ZMIZ1: variants seen among roughly 807,000 people sequenced by gnomAD.
ZMIZ1 encodes zinc finger MIZ domain-containing protein 1.
ZMIZ1 carries 17 observed loss-of-function variants against 113.9 expected under a neutral mutation model. That is an observed-to-expected ratio of 0.15 (90% CI 0.10 to 0.22). The LOEUF is 0.22. Among genes scored for constraint, ZMIZ1 ranks in the 10% least tolerant of loss-of-function variants. ZMIZ1 has a pLI of 1.00. For synonymous variants in ZMIZ1, 607 were observed against 603.1 expected (o/e 1.01, Z -0.09); for missense variants, 1,059 against 1,477.8 (o/e 0.72, Z 4.65).
intron 4 of ZMIZ1, among the ~76,000 whole-genome samples, chr10:79,178,641 T>C (rs1846973425): frequency 6.6e-6 from 1 of 152,178 alleles, no homozygotes; most frequent in Non-Finnish European, 1.5e-5. Context: ...GTCTTCACTT[T>C]TCAAGCCCTG....
chr10:79,081,935 T>G (rs1842673174), intron 1 of ZMIZ1, among the ~76,000 whole-genome samples: 1 of 152,180 alleles, frequency 6.6e-6, no homozygotes, highest in African/African-American at 2.4e-5. Context: ...AGGCCAACCT[T>G]CTCATTTAGA....
chr10:79,188,592 G>C (rs943431244), intron 4 of ZMIZ1, among the ~76,000 whole-genome samples: 6 of 152,236 alleles, frequency 3.9e-5, no homozygotes, highest in African/African-American at 1.4e-4. Context: ...CCAGAGCCCA[G>C]CTTGGAGCTA....
intron 2 of ZMIZ1, among the ~76,000 whole-genome samples, chr10:79,131,310 C>T (rs1357418616): frequency 6.6e-6 from 1 of 152,036 alleles, no homozygotes; most frequent in Non-Finnish European, 1.5e-5. Context: ...CAGCACGTGC[C>T]CACTCTGGCC....
intron 7 of ZMIZ1, among the ~76,000 whole-genome samples, chr10:79,253,581 G>A (rs1312783537): frequency 2.0e-5 from 3 of 152,184 alleles, no homozygotes; most frequent in Non-Finnish European, 4.4e-5. Context: ...TGAGGGTCAG[G>A]GAGTGTGGGG....
At chr10:79,132,676 AAGC>A (rs1844821962) in intron 2 of ZMIZ1, among the ~76,000 whole-genome samples, 1 of 152,336 alleles carries the variant, frequency 6.6e-6, no homozygotes, top group South Asian at 2.1e-4. Flanking sequence ...TCACAGCACA[AAGC>A]AGTGGTGAGC....
In ZMIZ1 at chr10:79,186,132, A is replaced by C. The variant is rs191716393; in HGVS notation, c.-49-15452A>C. On this transcript the variant is annotated intron_variant, in intron 4 of 24. Transcript: ENST00000334512. ...AGACTTGGGTCCAAATACCAGACAC[A>C]CACCCACCACCCACGCCCTTTGGGC... is the stretch of plus-strand genomic sequence containing the variant. Among the ~76,000 whole-genome samples, 122 of 152,216 alleles carry C rather than the reference A, an allele frequency of 8.0e-4. 1 individual carries two copies. The East Asian group carries it at 0.015, about 18-fold the overall frequency.
chr10:79,293,280 T>G, intron 11 of ZMIZ1, 101 bp from the exon 12 acceptor site: 1 of 1,426,536 alleles, frequency 7.0e-7, no homozygotes, highest in Non-Finnish European at 9.4e-7. Flanking sequence ...CCCTCCCCAC[T>G]CCTCCACCTC....
intron 24 of ZMIZ1, among the ~76,000 whole-genome samples, chr10:79,311,613 G>A (rs369414066): frequency 4.1e-4 from 62 of 152,070 alleles, no homozygotes; most frequent in Non-Finnish European, 6.5e-4. Flanking sequence ...TTTCTTGTCC[G>A]CGTGTTGTCC....
chr10:79,152,878 G>A (rs1845766505), intron 3 of ZMIZ1, among the ~76,000 whole-genome samples: 1 of 152,238 alleles, frequency 6.6e-6, no homozygotes, highest in East Asian at 1.9e-4. Flanking sequence ...CATTCTTCCA[G>A]AAAATATTCG....
At chr10:79,116,716 C>T (rs1166009542) in intron 1 of ZMIZ1, among the ~76,000 whole-genome samples, 2 of 152,186 alleles carry the variant, frequency 1.3e-5, no homozygotes, top group African/African-American at 4.8e-5. Context: ...TGTGTATCTC[C>T]TACATTTGTA....
chr10:79,172,890 C>T (rs575445007), intron 4 of ZMIZ1, among the ~76,000 whole-genome samples: 18 of 152,160 alleles, frequency 1.2e-4, no homozygotes, highest in African/African-American at 1.4e-4. Context: ...TCCTTTGTAA[C>T]GGAAGTAAAT....
intron 3 of ZMIZ1, among the ~76,000 whole-genome samples, chr10:79,146,793 C>A (rs1451875839): frequency 6.6e-6 from 1 of 152,192 alleles, no homozygotes; most frequent in Non-Finnish European, 1.5e-5. Context: ...ACCCAGCAAA[C>A]CCCTGGCACA....
At chr10:79,298,090 C>T (rs1039083440) in intron 14 of ZMIZ1, among the ~76,000 whole-genome samples, 2 of 152,146 alleles carry the variant, frequency 1.3e-5, no homozygotes, top group African/African-American at 4.8e-5. Context: ...TCCTGTCCTC[C>T]AAGGGTTGTG....
chr10:79,298,634 C>T (rs1203308586), intron 15 of ZMIZ1, 54 bp downstream of exon 15: 23 of 1,512,342 alleles, frequency 1.5e-5, no homozygotes, highest in East Asian at 1.2e-4. Flanking sequence ...CCCAGTGGGC[C>T]GGGAGCAGGG....
At chr10:79,083,425 A>G (rs1842721714) in intron 1 of ZMIZ1, among the ~76,000 whole-genome samples, 1 of 152,010 alleles carries the variant, frequency 6.6e-6, no homozygotes, top group Admixed American at 6.6e-5. Context: ...AGGGAAGGAG[A>G]GAGTGGGGAG....
intron 24 of ZMIZ1, 56 bp downstream of exon 24, chr10:79,311,240 G>A: frequency 7.7e-7 from 1 of 1,292,410 alleles, no homozygotes; most frequent in East Asian, 4.9e-5. Context: ...GCCGGGACCT[G>A]CCCGAGAGAA....
intron 19 of ZMIZ1, among the ~76,000 whole-genome samples, 168 bp downstream of exon 19, chr10:79,304,343 G>A (rs938307135): frequency 6.6e-6 from 1 of 152,238 alleles, no homozygotes; most frequent in African/African-American, 2.4e-5. Flanking sequence ...TTATCTTTGA[G>A]CATCTTTTCT....
intron 4 of ZMIZ1, among the ~76,000 whole-genome samples, chr10:79,163,924 G>T (rs933100666): frequency 2.0e-5 from 3 of 152,192 alleles, no homozygotes; most frequent in Non-Finnish European, 1.5e-5. Flanking sequence ...TTCTCTTTTC[G>T]GATGTTTTTC....
At chr10:79,299,729 A>T (rs1293073175) in intron 16 of ZMIZ1, among the ~76,000 whole-genome samples, 1 of 152,222 alleles carries the variant, frequency 6.6e-6, no homozygotes, top group Admixed American at 6.5e-5. Context: ...CGTGTGACCC[A>T]CTTTGATCTT....
Sources: allele counts gnomAD v4.1 joint callset (sites outside exome capture counted in the v4.1 genomes callset), GRCh38; gene constraint gnomAD v4.1.1; transcripts MANE v1.5; gene names NCBI Gene and HGNC (gene_info 2026-07-23, HGNC 2026-07-21).